Variants in GPC6 observed in about 807,000 individuals in gnomAD.
GPC6 encodes glypican 6.
Under a neutral mutation model 55.2 loss-of-function variants are expected in GPC6, and 14 were observed. The ratio of observed to expected loss-of-function variants is 0.25; its 90% confidence interval spans 0.17 to 0.40. The LOEUF (loss-of-function observed/expected upper bound fraction) is 0.40. Ranked by LOEUF, GPC6 falls within the 10% of genes least tolerant of loss-of-function variation. GPC6 has a pLI of 1.00. For missense variants in GPC6, 641 were observed against 708.5 expected (o/e 0.90, Z 1.08); for synonymous variants, 278 against 259.6 (o/e 1.07, Z -0.68).
intron 3 of GPC6, among the ~76,000 whole-genome samples, chr13:93,991,429 A>G (rs1278791351): frequency 1.3e-5 from 2 of 152,110 alleles, no homozygotes; most frequent in African/African-American, 4.8e-5. Context: ...CTACCACACT[A>G]TTTTATCCTT....
intron 2 of GPC6, among the ~76,000 whole-genome samples, chr13:93,766,997 G>A (rs1237834835): frequency 6.6e-6 from 1 of 151,546 alleles, no homozygotes; most frequent in Non-Finnish European, 1.5e-5. Flanking sequence ...TTTCCCCCGC[G>A]GTGGTGGTGA....
rs1305778951 is a variant in GPC6, at chr13:93,666,713, A to G, written c.319+121292A>G. 2.0e-5 allele frequency among the ~76,000 whole-genome samples: 3 copies of G among 152,182 alleles called. No individual in the cohort carries two copies. In the East Asian group the frequency reaches 5.8e-4, roughly 29 times the overall value. On this transcript the variant is annotated intron_variant, in intron 2 of 8. Transcript: ENST00000377047. ...TTAAAACCAAATTTGAAACTAAATA[A>G]TTCTCACTCACTAAAATCATGTCAG...
rs544396545 is a variant in GPC6, at chr13:94,203,184, C to A, written c.878-83165C>A. Among the ~76,000 whole-genome samples the A allele has an allele frequency of 1.3e-3, 199 of 151,048 alleles. 2 individuals are homozygous for A. Among genetic ancestry groups the A allele is most frequent in the African/African-American group, 4.4e-3 (183 of 41,230 alleles). ...ACTATAAAACCTTTTTAATCTATCA[C>A]TTTTGGGGCATTTGAAATTACAATT... On this transcript the variant is annotated intron_variant, in intron 4 of 8. Transcript: ENST00000377047.
At chr13:94,196,276 T>G (rs1889574193) in intron 4 of GPC6, among the ~76,000 whole-genome samples, 1 of 152,102 alleles carries the variant, frequency 6.6e-6, no homozygotes, top group African/African-American at 2.4e-5. Flanking sequence ...TTTTTAAAAT[T>G]TTTTATTTTG....
chr13:94,227,158 C>A (rs1047344841), intron 4 of GPC6, among the ~76,000 whole-genome samples: 1 of 152,196 alleles, frequency 6.6e-6, no homozygotes, highest in Non-Finnish European at 1.5e-5. Context: ...GTGATACTCA[C>A]ATCTGCATTG....
Position 93,274,415 on chromosome 13 carries a change from C to T in GPC6, c.160+46799C>T, listed in dbSNP as rs1202089155. 2.0e-5 allele frequency among the ~76,000 whole-genome samples: 3 copies of T among 152,232 alleles called. No homozygotes were observed. In the East Asian group the frequency reaches 5.8e-4, roughly 29 times the overall value. On this transcript the variant is annotated intron_variant, in intron 1 of 8. Coordinates refer to ENST00000377047, the MANE Select transcript of GPC6 (RefSeq NM_005708.5). The stretch of plus-strand genomic sequence containing the variant: ...TATCAATACAAAAATAATTCTTCTA[C>T]TATCAATATATTGAATTTTATGCTA...
chr13:93,607,723 A>C (rs1430176374), intron 2 of GPC6, among the ~76,000 whole-genome samples: 6 of 152,180 alleles, frequency 3.9e-5, no homozygotes, highest in African/African-American at 1.4e-4. Flanking sequence ...AATAGCGTTC[A>C]ATTTTCACAG....
chr13:93,675,211 A>G (rs1296033433), intron 2 of GPC6, among the ~76,000 whole-genome samples: 1 of 152,058 alleles, frequency 6.6e-6, no homozygotes, highest in African/African-American at 2.4e-5. Flanking sequence ...ATGCAACTCC[A>G]GTGCTTCTCC....
chr13:94,399,404 G>T (rs1024218817), intron 8 of GPC6, among the ~76,000 whole-genome samples: 1 of 152,192 alleles, frequency 6.6e-6, no homozygotes, highest in Non-Finnish European at 1.5e-5. Flanking sequence ...TATGGGTTTT[G>T]TCTGAGTAGT....
intron 1 of GPC6, among the ~76,000 whole-genome samples, chr13:93,407,265 T>TAG (rs556879120): frequency 1.3e-5 from 2 of 151,656 alleles, no homozygotes; most frequent in Non-Finnish European, 2.9e-5. Context: ...ATTTTTTATT[T>TAG]AGAGAGAGAG....
chr13:93,501,287 T>C (rs1448417366), intron 1 of GPC6, among the ~76,000 whole-genome samples: 3 of 151,982 alleles, frequency 2.0e-5, no homozygotes, highest in African/African-American at 7.2e-5. Flanking sequence ...TAAAGAGAAA[T>C]AGCACTCTGG....
At chr13:93,373,832 G>A (rs769718311) in intron 1 of GPC6, among the ~76,000 whole-genome samples, 7 of 152,052 alleles carry the variant, frequency 4.6e-5, no homozygotes, top group Non-Finnish European at 8.8e-5. Context: ...AAATCATTTT[G>A]CGTTTATTAT....
At chr13:94,284,522 A>G (rs1006833582) in intron 4 of GPC6, among the ~76,000 whole-genome samples, 3 of 148,786 alleles carry the variant, frequency 2.0e-5, no homozygotes, top group Non-Finnish European at 3.0e-5. Context: ...CTGGCCTTCT[A>G]TCAGGTAGCT....
intron 4 of GPC6, among the ~76,000 whole-genome samples, chr13:94,129,281 G>A (rs1242803566): frequency 6.6e-6 from 1 of 152,040 alleles, no homozygotes. Context: ...ACTACTGCCT[G>A]CTCTCAGATC....
At chr13:93,946,538 G>T (rs754383724) in intron 3 of GPC6, among the ~76,000 whole-genome samples, 8 of 152,094 alleles carry the variant, frequency 5.3e-5, no homozygotes, top group Non-Finnish European at 1.2e-4. Context: ...TTAACAATTG[G>T]TATAAACAAG....
intron 1 of GPC6, among the ~76,000 whole-genome samples, chr13:93,457,658 C>G (rs901624491): frequency 6.6e-5 from 10 of 152,102 alleles, no homozygotes; most frequent in African/African-American, 2.4e-4. Flanking sequence ...AAAATTTGTA[C>G]TGGAAAGTGA....
intron 1 of GPC6, among the ~76,000 whole-genome samples, chr13:93,499,924 G>A (rs773006960): frequency 2.0e-5 from 3 of 152,186 alleles, no homozygotes; most frequent in Non-Finnish European, 4.4e-5. Context: ...CTTAGGATGA[G>A]TGTCTGTGGA....
At chr13:94,268,994 T>C (rs756004037) in intron 4 of GPC6, among the ~76,000 whole-genome samples, 1 of 152,214 alleles carries the variant, frequency 6.6e-6, no homozygotes, top group Non-Finnish European at 1.5e-5. Context: ...TCCAATTCTG[T>C]TCTCAGTACA....
At position 93,289,780 on chromosome 13, in the gene GPC6, A is replaced by G. The variant is rs184370767; in HGVS notation, c.160+62164A>G. 3.3e-5 allele frequency among the ~76,000 whole-genome samples: 5 copies of G among 152,302 alleles called. No individual in the cohort carries two copies. The East Asian group carries it at 7.7e-4, about 24-fold the overall frequency. ...ATAAAAGGATTTGTTTATTGTATAC[A>G]GCTGTCATTGCTTTCAGGAGTAAAA... is the stretch of plus-strand genomic sequence containing the variant. On this transcript the variant is annotated intron_variant, in intron 1 of 8. Coordinates refer to ENST00000377047, the MANE Select transcript of GPC6 (RefSeq NM_005708.5).
Sources: allele counts gnomAD v4.1 joint callset (sites outside exome capture counted in the v4.1 genomes callset), GRCh38; gene constraint gnomAD v4.1.1; transcripts MANE v1.5; gene names NCBI Gene and HGNC (gene_info 2026-07-23, HGNC 2026-07-21).